The following VEPH1 variants were observed in gnomAD, a reference collection of about 807,000 sequenced individuals.
VEPH1 encodes the protein ventricular zone-expressed PH domain-containing protein homolog 1.
In VEPH1, 80 loss-of-function variants were observed where a neutral mutation model predicts 85.2. That is an observed-to-expected ratio of 0.94 (90% CI 0.78 to 1.13). The LOEUF is 1.13. Among genes scored for constraint, VEPH1 ranks in the 50% most tolerant of loss-of-function variants. The pLI is 0.00. For missense variants in VEPH1, 955 were observed against 980.5 expected (o/e 0.97, Z 0.35); for synonymous variants, 297 against 348.0 (o/e 0.85, Z 1.63).
intron 9 of VEPH1, among the ~76,000 whole-genome samples, chr3:157,330,680 C>T (rs993028328): frequency 3.9e-5 from 6 of 152,156 alleles, no homozygotes; most frequent in Non-Finnish European, 8.8e-5. Flanking sequence ...AAAAAGACCA[C>T]GTGCTCCAGC....
intron 4 of VEPH1, among the ~76,000 whole-genome samples, chr3:157,458,848 T>C (rs923214122): frequency 6.6e-5 from 10 of 152,320 alleles, no homozygotes; most frequent in African/African-American, 2.4e-4. Flanking sequence ...AGATACCCAG[T>C]TATCCTAGCA....
intron 2 of VEPH1, among the ~76,000 whole-genome samples, chr3:157,483,764 A>T (rs1456011968): frequency 6.6e-6 from 1 of 152,136 alleles, no homozygotes; most frequent in East Asian, 1.9e-4. Context: ...GACGGATAGG[A>T]GGGCGATGAT....
intron 11 of VEPH1, among the ~76,000 whole-genome samples, chr3:157,307,997 GT>G (rs1254800853): frequency 2.6e-5 from 4 of 151,138 alleles, no homozygotes; most frequent in African/African-American, 9.7e-5. Context: ...TTTCTATTTA[GT>G]TATTACTCAC....
At chr3:157,362,223 G>T (rs933874339) in intron 9 of VEPH1, among the ~76,000 whole-genome samples, 1 of 151,902 alleles carries the variant, frequency 6.6e-6, no homozygotes, top group Non-Finnish European at 1.5e-5. Flanking sequence ...TAGAGACGGG[G>T]TTTCACCATG....
intron 13 of VEPH1, 102 bp downstream of exon 13, chr3:157,265,424 A>G: frequency 3.1e-6 from 4 of 1,300,338 alleles, no homozygotes; most frequent in Non-Finnish European, 4.2e-6. Flanking sequence ...TGAAATGGAG[A>G]TGGAAAAATT....
intron 9 of VEPH1, among the ~76,000 whole-genome samples, chr3:157,354,572 G>A (rs977141844): frequency 1.3e-5 from 2 of 152,084 alleles, no homozygotes; most frequent in African/African-American, 4.8e-5. Flanking sequence ...AATCACTTCA[G>A]TAGAGAGACC....
intron 4 of VEPH1, among the ~76,000 whole-genome samples, chr3:157,438,675 A>C (rs1733875193): frequency 6.6e-6 from 1 of 152,228 alleles, no homozygotes; most frequent in Admixed American, 6.5e-5. Context: ...GAGACTGTTC[A>C]AACCACAGGC....
intron 5 of VEPH1, among the ~76,000 whole-genome samples, 185 bp from the exon 6 acceptor site, chr3:157,414,275 A>C (rs1055172316): frequency 4.6e-5 from 7 of 152,178 alleles, no homozygotes; most frequent in African/African-American, 1.7e-4. Flanking sequence ...TTTACAATAA[A>C]ATCTTCAGAG....
At chr3:157,294,407 G>C (rs1478829647) in intron 11 of VEPH1, among the ~76,000 whole-genome samples, 2 of 152,172 alleles carry the variant, frequency 1.3e-5, no homozygotes, top group African/African-American at 2.4e-5. Flanking sequence ...GCAAATAATG[G>C]TATGCTGTGA....
intron 9 of VEPH1, among the ~76,000 whole-genome samples, chr3:157,356,443 C>T (rs1725438927): frequency 6.6e-6 from 1 of 152,148 alleles, no homozygotes; most frequent in African/African-American, 2.4e-5. Flanking sequence ...ACTAAATTAT[C>T]AAATACCTGG....
chr3:157,300,424 A>G (rs902254622), intron 11 of VEPH1, among the ~76,000 whole-genome samples: 2 of 152,208 alleles, frequency 1.3e-5, no homozygotes, highest in Admixed American at 1.3e-4. Flanking sequence ...GACATGCTTC[A>G]TTATAGGACA....
chr3:157,470,221 T>G, intron 3 of VEPH1, 93 bp downstream of exon 3: 1 of 1,152,588 alleles, frequency 8.7e-7, no homozygotes, highest in Non-Finnish European at 1.3e-6. Context: ...ATCTAAATGC[T>G]GCAGAAGCAT....
intron 12 of VEPH1, among the ~76,000 whole-genome samples, chr3:157,280,467 GAGT>G (rs1404697130): frequency 6.6e-6 from 1 of 152,214 alleles, no homozygotes; most frequent in Non-Finnish European, 1.5e-5. Flanking sequence ...AAAGGCAGAG[GAGT>G]AGGAAAGTGA....
chr3:157,500,883 A>G (rs1289469705), intron 1 of VEPH1, among the ~76,000 whole-genome samples: 2 of 152,168 alleles, frequency 1.3e-5, no homozygotes, highest in East Asian at 1.9e-4. Context: ...GGGCAGGTTA[A>G]TTAGACTCCC....
At chr3:157,452,209 G>A (rs758756713) in intron 4 of VEPH1, among the ~76,000 whole-genome samples, 5 of 152,032 alleles carry the variant, frequency 3.3e-5, no homozygotes, top group African/African-American at 7.3e-5. Context: ...CAAGCAGAGC[G>A]GGGGTCTGGG....
At chr3:157,409,694 C>T in intron 6 of VEPH1, 12 of 985,286 alleles carry the variant, frequency 1.2e-5, no homozygotes, top group Non-Finnish European at 1.3e-5. Flanking sequence ...CCCAGATGGG[C>T]ACTCATTTGA....
chr3:157,405,119 G>A (rs969289977), intron 6 of VEPH1, among the ~76,000 whole-genome samples: 1 of 152,090 alleles, frequency 6.6e-6, no homozygotes, highest in Non-Finnish European at 1.5e-5. Flanking sequence ...CCAGGCTGCC[G>A]ATTTCTGGAG....
Position 157,325,039 on chromosome 3 carries a change from T to C in VEPH1, c.1736-7838A>G, listed in dbSNP as rs888236478. ...TTCTAATAATAGCCATTCTGACTTG[T>C]GTGAGATGGTATCTAACTGCGGTTT... On this transcript the variant is annotated intron_variant, in intron 9 of 13. Transcript: ENST00000362010. Among the ~76,000 whole-genome samples the C allele has an allele frequency of 2.0e-5, 3 of 152,200 alleles. No individual in the cohort carries two copies. The South Asian group carries it at 6.2e-4, about 32-fold the overall frequency.
At chr3:157,499,413 A>C (rs1426755130) in intron 1 of VEPH1, 1 of 152,122 alleles carries the variant, frequency 6.6e-6, no homozygotes, top group East Asian at 1.9e-4. Flanking sequence ...TACTCCTCAA[A>C]GGCGCCCTTG....
Sources: gnomAD v4.1 joint callset for allele counts (sites outside exome capture counted in the v4.1 genomes callset) on GRCh38, gnomAD v4.1.1 for gene constraint, MANE v1.5 for transcripts, NCBI Gene and HGNC (gene_info 2026-07-23, HGNC 2026-07-21) for gene names.